Variants in DTNBP1 observed in about 807,000 individuals in gnomAD.
DTNBP1 encodes dystrobrevin binding protein 1, also known as dysbindin.
In DTNBP1, 35 loss-of-function variants were observed where a neutral mutation model predicts 42.8. That is an observed-to-expected ratio of 0.82 (90% CI 0.63 to 1.09). The LOEUF is 1.09. Among genes scored for constraint, DTNBP1 ranks in the 50% least tolerant of loss-of-function variants. DTNBP1 has a pLI of 0.00. For synonymous variants in DTNBP1, 171 were observed against 162.2 expected (o/e 1.05, Z -0.41); for missense variants, 457 against 424.2 (o/e 1.08, Z -0.68).
At chr6:15,588,499 A>T (rs1057327309) in intron 7 of DTNBP1, among the ~76,000 whole-genome samples, 1 of 152,194 alleles carries the variant, frequency 6.6e-6, no homozygotes, top group Non-Finnish European at 1.5e-5. Flanking sequence ...GAAAATTGAC[A>T]TTTAAAAGGA....
At chr6:15,569,434 C>G (rs1425749595) in intron 7 of DTNBP1, among the ~76,000 whole-genome samples, 1 of 150,414 alleles carries the variant, frequency 6.6e-6, no homozygotes, top group Admixed American at 6.7e-5. Context: ...TCACCCTGCA[C>G]TCTTCAACCA....
chr6:15,568,520 A>G (rs1001149016), intron 7 of DTNBP1, among the ~76,000 whole-genome samples: 1 of 152,174 alleles, frequency 6.6e-6, no homozygotes, highest in Non-Finnish European at 1.5e-5. Context: ...CTTGAACAAC[A>G]TGGATTTGAA....
intron 7 of DTNBP1, among the ~76,000 whole-genome samples, chr6:15,565,591 G>A (rs1486287777): frequency 2.6e-5 from 4 of 152,198 alleles, no homozygotes; most frequent in East Asian, 1.9e-4. Context: ...AAGACTATAC[G>A]TAACATAGGA....
chr6:15,609,057 T>C (rs901165431), intron 6 of DTNBP1, among the ~76,000 whole-genome samples: 1 of 152,184 alleles, frequency 6.6e-6, no homozygotes, highest in Non-Finnish European at 1.5e-5. Flanking sequence ...TACTCAAACA[T>C]GGGACTTATG....
At chr6:15,655,640 T>TAAA (rs5874522) in intron 1 of DTNBP1, among the ~76,000 whole-genome samples, 3,237 of 141,014 alleles carry the variant, frequency 0.023, 125 homozygotes, top group African/African-American at 0.079. Context: ...AAAACGAAGT[T>TAAA]AAAAAAAAAA....
chr6:15,529,071 G>C (rs1772627659), intron 8 of DTNBP1, among the ~76,000 whole-genome samples: 1 of 152,238 alleles, frequency 6.6e-6, no homozygotes, highest in Non-Finnish European at 1.5e-5. Flanking sequence ...GATCACTCGG[G>C]CCAAGGAGTT....
chr6:15,624,148 A>G lies in DTNBP1; in HGVS notation c.355+3195T>C, dbSNP rs149181327. On this transcript the variant is annotated intron_variant, in intron 5 of 9. Coordinates refer to ENST00000344537, the MANE Select transcript of DTNBP1 (RefSeq NM_032122.5). ...ACTGTGCTAAGTGGTTACGTTTGTCATCTCCTTTAATCCTCCAAATACCTA... is the reference window on the plus strand; with the variant it reads ...ACTGTGCTAAGTGGTTACGTTTGTCGTCTCCTTTAATCCTCCAAATACCTA... Among the ~76,000 whole-genome samples the G allele has an allele frequency of 2.4e-3, 365 of 152,288 alleles. 3 individuals carry two copies. The highest frequency in any genetic ancestry group is 8.4e-3 in the African/African-American group (350 of 41,550).
rs140216927 is a variant in DTNBP1, at chr6:15,590,798, T to C, written c.511+2261A>G. ...ACGTAACTCATCAACCTCAATGGAG[T>C]ATTAGAAGGGAGAATCCAGAACATG... On this transcript the variant is annotated intron_variant, in intron 7 of 9. Coordinates refer to ENST00000344537, the MANE Select transcript of DTNBP1 (RefSeq NM_032122.5). Among the ~76,000 whole-genome samples the C allele has an allele frequency of 6.0e-4, 91 of 152,082 alleles. 1 individual carries two copies. The highest frequency in any genetic ancestry group is 3.4e-3 in the Middle Eastern group (1 of 294).
At chr6:15,560,163 G>A (rs1368128021) in intron 7 of DTNBP1, among the ~76,000 whole-genome samples, 4 of 152,118 alleles carry the variant, frequency 2.6e-5, no homozygotes, top group Non-Finnish European at 4.4e-5. Flanking sequence ...AAAATTAGCT[G>A]GGCATGGTAG....
At chr6:15,582,903 G>A (rs944290790) in intron 7 of DTNBP1, among the ~76,000 whole-genome samples, 1 of 152,144 alleles carries the variant, frequency 6.6e-6, no homozygotes, top group Non-Finnish European at 1.5e-5. Flanking sequence ...TGCTTCTTTA[G>A]TTATTTCCCC....
chr6:15,597,265 G>A (rs1581375532), intron 6 of DTNBP1, among the ~76,000 whole-genome samples: 1 of 152,168 alleles, frequency 6.6e-6, no homozygotes, highest in African/African-American at 2.4e-5. Context: ...ATAAAGAAGA[G>A]AGGACAACTC....
chr6:15,533,288 T>C lies in DTNBP1; in HGVS notation c.619A>G (p.Met207Val), dbSNP rs1304070556. Residue 207 changes from methionine to valine, a missense_variant, in exon 8 of 10, where the codon ATG becomes GTG. Coordinates refer to ENST00000344537, the MANE Select transcript of DTNBP1 (RefSeq NM_032122.5). ...TAGCCAGTGGACAGGTACTGCTCCA[T>C]GTCCTGCTGGAAGGCTTCCTCAAAA... ...KFFEEAFQQD[M>V]EQYLSTGYLQ... The C allele has an allele frequency of 6.2e-7, 1 of 1,614,218 alleles. No homozygotes were observed. The highest frequency in any genetic ancestry group is 1.7e-5 in the Admixed American group (1 of 60,022).
In DTNBP1 at chr6:15,522,821, A is replaced by G. The variant is rs1455964637; in HGVS notation, c.*154T>C. On this transcript the variant is annotated 3_prime_UTR_variant, in exon 10 of 10. Transcript: ENST00000344537. ...TGCGCTCTCAGTTTACCGTCCTCAC[A>G]CTTTATTGTTAGCTGTTCTTTAAGT... 7.4e-6 allele frequency: 10 copies of G among 1,353,146 alleles called. No homozygotes were observed. The highest frequency in any genetic ancestry group is 1.0e-5 in the Non-Finnish European group (10 of 968,122). The allele number at this position is 1,353,146 out of a possible 1,614,324, so 83.8% of individuals were successfully genotyped here. A position where few individuals can be genotyped will look rare whatever the true frequency, so the allele number is the denominator to read the frequency against.
At chr6:15,578,128 G>A (rs1363613772) in intron 7 of DTNBP1, among the ~76,000 whole-genome samples, 1 of 152,204 alleles carries the variant, frequency 6.6e-6, no homozygotes, top group African/African-American at 2.4e-5. Flanking sequence ...GGAGTCCAGC[G>A]CCTACACTGA....
chr6:15,550,105 A>G (rs770450666), intron 7 of DTNBP1, among the ~76,000 whole-genome samples: 28 of 152,320 alleles, frequency 1.8e-4, no homozygotes, highest in Non-Finnish European at 3.1e-4. Context: ...AAAATTTACC[A>G]TTAGTGTAAT....
chr6:15,599,649 A>T (rs1776647521), intron 6 of DTNBP1, among the ~76,000 whole-genome samples: 1 of 152,170 alleles, frequency 6.6e-6, no homozygotes, highest in African/African-American at 2.4e-5. Flanking sequence ...GAAAGCCAGG[A>T]TCGTTGATGT....
chr6:15,651,460 T>C, intron 2 of DTNBP1, 97 bp from the exon 3 acceptor site: 3 of 1,496,364 alleles, frequency 2.0e-6, no homozygotes, highest in South Asian at 1.2e-5. Flanking sequence ...TCAATTGTAA[T>C]ATATTTTAAA....
chr6:15,537,901 A>G (rs1045337705), intron 7 of DTNBP1, among the ~76,000 whole-genome samples: 2 of 152,266 alleles, frequency 1.3e-5, no homozygotes, highest in African/African-American at 2.4e-5. Flanking sequence ...GGACTCATAC[A>G]GCATGTACAG....
Position 15,662,982 on chromosome 6 carries a change from T to G in DTNBP1, c.-113A>C. 7.0e-7 allele frequency: 1 copy of G among 1,427,136 alleles called. No homozygotes were observed. The highest frequency in any genetic ancestry group is 9.7e-7 in the Non-Finnish European group (1 of 1,036,104). The allele number at this position is 1,427,136 out of a possible 1,614,324, so 88.4% of individuals were successfully genotyped here. A position where few individuals can be genotyped will look rare whatever the true frequency, so the allele number is the denominator to read the frequency against. On this transcript the variant is annotated 5_prime_UTR_variant, in exon 1 of 10. Transcript: ENST00000344537. Reference sequence around the variant, plus strand: ...GTCACCGCGCGCCCCGCACTCCCACTACCGGCCCCGCCCCCGGTCTGGTCC... The same window carrying G: ...GTCACCGCGCGCCCCGCACTCCCACGACCGGCCCCGCCCCCGGTCTGGTCC...
Sources: allele counts gnomAD v4.1 joint callset (sites outside exome capture counted in the v4.1 genomes callset), GRCh38; gene constraint gnomAD v4.1.1; transcripts MANE v1.5; gene names NCBI Gene and HGNC (gene_info 2026-07-23, HGNC 2026-07-21).